Variants in PARD3 observed in about 807,000 individuals in gnomAD.
The protein encoded by PARD3 is partitioning defective 3 homolog.
In PARD3, 75 loss-of-function variants were observed where a neutral mutation model predicts 155.4. That is an observed-to-expected ratio of 0.48 (90% CI 0.40 to 0.58). The LOEUF is 0.58. Among genes scored for constraint, PARD3 ranks in the 20% least tolerant of loss-of-function variants. The pLI, the probability that PARD3 is intolerant of heterozygous loss-of-function variation, is 0.00. For missense variants in PARD3, 1,642 were observed against 1,721.7 expected (o/e 0.95, Z 0.82); for synonymous variants, 576 against 610.5 (o/e 0.94, Z 0.83).
At chr10:34,611,995 T>C (rs1200050806) in intron 2 of PARD3, among the ~76,000 whole-genome samples, 1 of 137,618 alleles carries the variant, frequency 7.3e-6, no homozygotes, top group Non-Finnish European at 1.5e-5. Context: ...CCCAGCTGAT[T>C]TTTTGTATTT....
Position 34,666,792 on chromosome 10 carries a change from A to T in PARD3, c.222+29526T>A, listed in dbSNP as rs1347097789. Among the ~76,000 whole-genome samples the T allele has an allele frequency of 1.7e-3, 151 of 88,716 alleles. 2 individuals are homozygous for T. Among genetic ancestry groups the T allele is most frequent in the Admixed American group, 0.013 (118 of 9,196 alleles). 58.2% of individuals were successfully genotyped at this position (88,716 alleles called of 152,430 possible). ...CCCCTCCCCCTAAAAAAAAAAAAAA[A>T]AAAAATATATATATATATATATATA... On this transcript the variant is annotated intron_variant, in intron 2 of 24. Transcript: ENST00000374788.
In PARD3 at chr10:34,803,578, G is replaced by C. The variant is rs182990517; in HGVS notation, c.120+11298C>G. ...GGCCAAGGCAGGCGGATGACTTTAG[G>C]TCAGAAGTTCAAGACTCCATCAAGA... On this transcript the variant is annotated intron_variant, in intron 1 of 24. Transcript: ENST00000374788. Among the ~76,000 whole-genome samples the C allele has an allele frequency of 4.0e-3, 614 of 152,200 alleles. 1 individual carries two copies. The highest frequency in any genetic ancestry group is 7.0e-3 in the Non-Finnish European group (476 of 68,016).
At chr10:34,509,189 A>G (rs1053362350) in intron 3 of PARD3, among the ~76,000 whole-genome samples, 24 of 152,252 alleles carry the variant, frequency 1.6e-4, no homozygotes, top group African/African-American at 5.8e-4. Flanking sequence ...CCCAACAGTT[A>G]TGTAGAATAT....
At chr10:34,562,005 G>T (rs1400484942) in intron 2 of PARD3, among the ~76,000 whole-genome samples, 1 of 150,458 alleles carries the variant, frequency 6.6e-6, no homozygotes, top group Non-Finnish European at 1.5e-5. Flanking sequence ...ATGGTGGCAG[G>T]CGCCTGTAGT....
intron 3 of PARD3, among the ~76,000 whole-genome samples, chr10:34,511,093 T>C (rs532516236): frequency 1.4e-4 from 21 of 152,334 alleles, no homozygotes; most frequent in African/African-American, 4.6e-4. Context: ...CCCCTGCAGT[T>C]GATTTTATTG....
intron 2 of PARD3, among the ~76,000 whole-genome samples, chr10:34,676,890 G>A (rs2093718429): frequency 6.6e-6 from 1 of 152,126 alleles, no homozygotes; most frequent in Non-Finnish European, 1.5e-5. Flanking sequence ...ATACTTTTAG[G>A]CAGTCTCTGA....
intron 12 of PARD3, 112 bp downstream of exon 12, chr10:34,372,386 A>G: frequency 1.2e-6 from 1 of 839,840 alleles, no homozygotes; most frequent in Non-Finnish European, 2.0e-6. Context: ...CATGTATTAA[A>G]TATTACGAGC....
chr10:34,551,489 G>T (rs2084556324), intron 2 of PARD3, among the ~76,000 whole-genome samples: 1 of 152,176 alleles, frequency 6.6e-6, no homozygotes, highest in Non-Finnish European at 1.5e-5. Context: ...GGAGTTCACT[G>T]ACCCCACCTT....
At chr10:34,755,365 T>C (rs894280279) in intron 1 of PARD3, among the ~76,000 whole-genome samples, 6 of 151,680 alleles carry the variant, frequency 4.0e-5, no homozygotes, top group African/African-American at 1.5e-4. Flanking sequence ...TGAGCTGAGA[T>C]TGCACTGCTA....
At chr10:34,499,200 C>A (rs1039721813) in intron 3 of PARD3, among the ~76,000 whole-genome samples, 4 of 151,926 alleles carry the variant, frequency 2.6e-5, no homozygotes, top group East Asian at 1.9e-4. Flanking sequence ...CCAAATCATC[C>A]TCTTAAGCAA....
chr10:34,562,256 G>T (rs1042361400), intron 2 of PARD3, among the ~76,000 whole-genome samples: 1 of 151,328 alleles, frequency 6.6e-6, no homozygotes, highest in Admixed American at 6.6e-5. Flanking sequence ...GGTCAACATG[G>T]TGAAACCCCA....
intron 2 of PARD3, among the ~76,000 whole-genome samples, chr10:34,657,663 C>G (rs1032932441): frequency 6.6e-5 from 10 of 152,068 alleles, no homozygotes; most frequent in African/African-American, 1.9e-4. Flanking sequence ...CTCAGCCTCC[C>G]GAGTAGCTGG....
intron 1 of PARD3, among the ~76,000 whole-genome samples, chr10:34,727,401 T>TTCTA (rs1203144246): frequency 6.6e-6 from 1 of 152,210 alleles, no homozygotes; most frequent in Non-Finnish European, 1.5e-5. Context: ...AAACAATGTG[T>TTCTA]TCTAGCCTTC....
rs532651127 is a variant in PARD3, at chr10:34,238,692, C to T, written c.3419+30965G>A. Among the ~76,000 whole-genome samples the T allele has an allele frequency of 5.3e-5, 8 of 152,214 alleles. No homozygotes were observed. In the South Asian group the frequency reaches 8.3e-4, roughly 16 times the overall value. On this transcript the variant is annotated intron_variant, in intron 22 of 24. Coordinates refer to ENST00000374788, the MANE Select transcript of PARD3 (RefSeq NM_001184785.2). ...TAAAATCTCAGAGAAACAGTGGTGA[C>T]GGGAATAGACACTCACTTGGAAGAT...
At chr10:34,401,985 C>T in intron 5 of PARD3, 68 bp from the exon 6 acceptor site, 4 of 1,261,440 alleles carry the variant, frequency 3.2e-6, no homozygotes, top group Non-Finnish European at 4.7e-6. Flanking sequence ...TGAAAGGAAA[C>T]TGGATAAAAT....
rs756149760 is a variant in PARD3, at chr10:34,331,291, A to G, written c.2659T>C (p.Leu887=). The change falls in exon 19 of 25, where the codon TTG becomes CTG. Residue 887 remains leucine (L), a synonymous_variant. Transcript: ENST00000374788. ...GCAACTGCGGTCTGCAGACTCTCCAACGAGCTTGACTTCTTCAGACCCAGG... is the reference window on the plus strand; with the variant it reads ...GCAACTGCGGTCTGCAGACTCTCCAGCGAGCTTGACTTCTTCAGACCCAGG... ...PSLGLKKSSS[L]ESLQTAVAEV... 4 of 1,613,834 alleles carry G rather than the reference A, an allele frequency of 2.5e-6. No individual in the cohort carries two copies. The highest frequency in any genetic ancestry group is 3.4e-6 in the Non-Finnish European group (4 of 1,179,916).
At chr10:34,167,390 C>T (rs1425959308) in intron 22 of PARD3, among the ~76,000 whole-genome samples, 2 of 151,916 alleles carry the variant, frequency 1.3e-5, no homozygotes, top group African/African-American at 4.8e-5. Context: ...AATTAGTCTG[C>T]CAGTAATGCT....
At chr10:34,522,211 C>A (rs1454932060) in intron 2 of PARD3, among the ~76,000 whole-genome samples, 2 of 152,080 alleles carry the variant, frequency 1.3e-5, no homozygotes, top group Non-Finnish European at 2.9e-5. Flanking sequence ...CAGAGAGAAA[C>A]GTGATGATGG....
At position 34,396,218 on chromosome 10, in the gene PARD3, C is replaced by G. The variant is rs114873816; in HGVS notation, c.890+3112G>C. Among the ~76,000 whole-genome samples, 470 of 152,164 alleles carry G rather than the reference C, an allele frequency of 3.1e-3. 2 individuals carry two copies. The highest frequency in any genetic ancestry group is 0.011 in the African/African-American group (452 of 41,510). On this transcript the variant is annotated intron_variant, in intron 7 of 24. Transcript: ENST00000374788. ...TTCAAAAACTAGCCAGGCATGGTAG[C>G]ATATGCCTGTAGTCCCAGCTTCTAG...
Sources: allele counts gnomAD v4.1 joint callset (sites outside exome capture counted in the v4.1 genomes callset), GRCh38; gene constraint gnomAD v4.1.1; transcripts MANE v1.5; gene names NCBI Gene and HGNC (gene_info 2026-07-23, HGNC 2026-07-21).